Variants in ACTA2 observed in about 807,000 individuals in gnomAD.
ACTA2 encodes the protein actin, aortic smooth muscle.
ACTA2 carries 12 observed loss-of-function variants against 39.5 expected under a neutral mutation model. That is an observed-to-expected ratio of 0.30 (90% CI 0.19 to 0.49). The LOEUF (loss-of-function observed/expected upper bound fraction) is 0.49. Among genes scored for constraint, ACTA2 ranks in the 20% least tolerant of loss-of-function variants. The pLI is 0.99. For missense variants in ACTA2, 236 were observed against 498.8 expected, an observed-to-expected ratio of 0.47 and a Z score of 5.02; for synonymous variants, 158 against 180.6, an observed-to-expected ratio of 0.88 and a Z score of 1.00.
At chr10:88,957,666 AC>A (rs554678518), upstream of ACTA2, among the ~76,000 whole-genome samples, 567 of 151,756 alleles carry the variant, frequency 3.7e-3, 5 homozygotes, top group African/African-American at 0.013. Context: ...TCCCCCTTGT[AC>A]TCCTCTAACT....
intron 3 of ACTA2, among the ~76,000 whole-genome samples, chr10:88,944,561 T>C (rs1277632469): frequency 6.6e-6 from 1 of 152,214 alleles, no homozygotes; most frequent in Non-Finnish European, 1.5e-5. Flanking sequence ...GCAGTGTACA[T>C]GAAGAAGAGA....
chr10:88,954,007 T>C (rs1287092512), upstream of ACTA2, among the ~76,000 whole-genome samples: 1 of 152,192 alleles, frequency 6.6e-6, no homozygotes, highest in Admixed American at 6.5e-5. Flanking sequence ...CCCTCTCATT[T>C]CTCAAAGATA....
At chr10:88,968,069 A>T (rs1846352518) in intron 1 of ACTA2, among the ~76,000 whole-genome samples, 1 of 152,076 alleles carries the variant, frequency 6.6e-6, no homozygotes, top group African/African-American at 2.4e-5. Flanking sequence ...GTGTGTTGTC[A>T]TGGTCTTGAC....
intron 1 of ACTA2, among the ~76,000 whole-genome samples, chr10:88,989,146 T>G (rs1719213952): frequency 6.6e-6 from 1 of 152,212 alleles, no homozygotes; most frequent in African/African-American, 2.4e-5. Flanking sequence ...TAATAATCAC[T>G]CATCTCACTG....
At chr10:88,951,797 C>G (rs1846055008) in intron 1 of ACTA2, among the ~76,000 whole-genome samples, 1 of 152,220 alleles carries the variant, frequency 6.6e-6, no homozygotes, top group Non-Finnish European at 1.5e-5. Flanking sequence ...CAGTTCCCAG[C>G]TCATTGGTCT....
Position 88,974,228 on chromosome 10 carries a change from TC to T in ACTA2, c.-24+16710del, listed in dbSNP as rs964385925. On this transcript the variant is annotated intron_variant, in intron 1 of 4. Transcript: ENST00000415557. ...TACCCTGACTAACGTGGGTGGAATT[TC>T]ATTTGGCTTGACTCTTTGGTGAAAA... is the stretch of plus-strand genomic sequence containing the variant. 17 of 151,894 alleles carry T rather than the reference TC, an allele frequency of 1.1e-4. No homozygotes were observed. In the East Asian group the frequency reaches 2.7e-3, roughly 24 times the overall value. 9.4% of individuals were successfully genotyped at this position (151,894 alleles called of 1,614,324 possible).
upstream of ACTA2, among the ~76,000 whole-genome samples, chr10:88,954,360 C>A (rs1357245405): frequency 6.6e-6 from 1 of 152,168 alleles, no homozygotes; most frequent in African/African-American, 2.4e-5. Context: ...CTTTTACCAA[C>A]CAGAAAACAC....
At chr10:88,950,444 A>G (rs1302431382) in intron 1 of ACTA2, among the ~76,000 whole-genome samples, 2 of 152,228 alleles carry the variant, frequency 1.3e-5, no homozygotes, top group African/African-American at 4.8e-5. Flanking sequence ...TTCCCACAAA[A>G]TCAAACCTGC....
intron 1 of ACTA2, among the ~76,000 whole-genome samples, chr10:88,952,209 G>A (rs1846062859): frequency 6.6e-6 from 1 of 152,174 alleles, no homozygotes; most frequent in East Asian, 1.9e-4. Flanking sequence ...TAGAGCCAGG[G>A]AAACCCAGAA....
rs562313262 is a variant in ACTA2 at position 88,942,641 on chromosome 10, A to C, written c.370-772T>G. Among the ~76,000 whole-genome samples the C allele has an allele frequency of 3.3e-5, 5 of 152,318 alleles. No homozygotes were observed. The South Asian group carries it at 1.0e-3, about 32-fold the overall frequency. ...GTCACTTGTGAGAAGTTTGTGCATCAGGAGATGTCCGTGGGTCTTCATTTC... is the reference window on the plus strand; with the variant it reads ...GTCACTTGTGAGAAGTTTGTGCATCCGGAGATGTCCGTGGGTCTTCATTTC... On this transcript the variant is annotated intron_variant, in intron 4 of 8. Transcript: ENST00000224784.
chr10:88,939,882 T>C (rs373379211), intron 6 of ACTA2, 184 bp from the exon 7 acceptor site: 1 of 649,400 alleles, frequency 1.5e-6, no homozygotes, highest in East Asian at 2.8e-5. Flanking sequence ...ACCACCTCTG[T>C]TCCTAGGACA....
chr10:88,941,830 C>T lies in ACTA2; in HGVS notation c.409G>A (p.Ala137Thr). The T allele has an allele frequency of 6.2e-7, 1 of 1,613,120 alleles. No individual in the cohort carries two copies. The stretch of plus-strand genomic sequence containing the variant: ...TAGAGAGACAGCACCGCCTGGATAG[C>T]CACATACATGGCTGGGACATTGAAA... ...ETFNVPAMYV[A>T]IQAVLSLYAS... The change falls in exon 5 of 9, where the codon GCT (alanine) becomes ACT (threonine). Residue 137 changes from alanine (A) to threonine (T), a missense_variant. Coordinates refer to ENST00000224784, the MANE Select transcript of ACTA2 (RefSeq NM_001613.4).
At chr10:88,969,686 T>C (rs1846389714) in intron 1 of ACTA2, among the ~76,000 whole-genome samples, 1 of 152,222 alleles carries the variant, frequency 6.6e-6, no homozygotes, top group Non-Finnish European at 1.5e-5. Context: ...CTCCCAACTA[T>C]ATCTTTTCAT....
rs1206541531 is a variant in ACTA2, at chr10:88,938,197, A to G, written c.854T>C (p.Met285Thr). The G allele has an allele frequency of 2.5e-6, 4 of 1,613,940 alleles. No homozygotes were observed. The highest frequency in any genetic ancestry group is 1.3e-5 in the African/African-American group (1 of 74,982). The change falls in exon 8 of 9, where the codon ATG becomes ACG. Residue 285 changes from methionine to threonine, a missense_variant. Coordinates refer to ENST00000224784, the MANE Select transcript of ACTA2 (RefSeq NM_001613.4). ...CTTCCTGATGTCAATATCACACTTCATGATGCTGTTGTAGGTGGTTTCATG... is the reference window on the plus strand; with the variant it reads ...CTTCCTGATGTCAATATCACACTTCGTGATGCTGTTGTAGGTGGTTTCATG... ...GIHETTYNSI[M>T]KCDIDIRKDL... is the part of the protein sequence containing the mutation.
chr10:88,939,343 C>T, intron 7 of ACTA2, 164 bp downstream of exon 7: 3 of 880,886 alleles, frequency 3.4e-6, no homozygotes, highest in Non-Finnish European at 5.5e-6. Flanking sequence ...TTCCTGGCCT[C>T]ATTATGTCTT....
Position 88,943,614 on chromosome 10 carries a change from T to C in ACTA2, c.369+183A>G, listed in dbSNP as rs1845894589. 2.9e-5 allele frequency: 20 copies of C among 690,176 alleles called. 1 individual carries two copies. Among genetic ancestry groups the C allele is most frequent in the South Asian group, 2.9e-4 (19 of 66,492 alleles). 42.8% of individuals were successfully genotyped at this position (690,176 alleles called of 1,614,324 possible). A position where few individuals can be genotyped will look rare whatever the true frequency, so the allele number is the denominator to read the frequency against. ...CTTTTGGAGGCAAAGGGCTGGTCCC[T>C]GCAGGAAGGATGCAAGTACTTTCAA... On this transcript the variant is annotated intron_variant, in intron 4 of 8. Transcript: ENST00000224784.
At chr10:88,959,678 ACATTTTT>A (rs1846196259) in intron 1 of ACTA2, among the ~76,000 whole-genome samples, 1 of 152,230 alleles carries the variant, frequency 6.6e-6, no homozygotes, top group Non-Finnish European at 1.5e-5. Context: ...TGATATTTAT[ACATTTTT>A]AAGGAATCTT....
intron 1 of ACTA2, among the ~76,000 whole-genome samples, chr10:88,984,424 T>G (rs1846812805): frequency 6.6e-6 from 1 of 152,182 alleles, no homozygotes; most frequent in Non-Finnish European, 1.5e-5. Context: ...CCCACAGTCA[T>G]GAAGGGCCTT....
chr10:88,947,466 T>C, intron 2 of ACTA2, 80 bp from the exon 3 acceptor site: 1 of 1,587,498 alleles, frequency 6.3e-7, no homozygotes, highest in Non-Finnish European at 8.6e-7. Flanking sequence ...AAAGGTTAAG[T>C]CATTGAGATG....
Sources: allele counts gnomAD v4.1 joint callset (sites outside exome capture counted in the v4.1 genomes callset), GRCh38; gene constraint gnomAD v4.1.1; transcripts MANE v1.5; gene names NCBI Gene and HGNC (gene_info 2026-07-23, HGNC 2026-07-21).